TFDP2: variants seen among roughly 807,000 people sequenced by gnomAD.
TFDP2 encodes transcription factor Dp-2 (E2F dimerization partner 2).
A neutral mutation model predicts 59.3 loss-of-function variants in TFDP2; 17 were observed. The observed-to-expected ratio is 0.29, with a 90% CI of 0.20 to 0.43. The LOEUF is 0.43. Ranked by LOEUF, TFDP2 falls within the 20% of genes least tolerant of loss-of-function variation. The pLI, the probability that TFDP2 is intolerant of heterozygous loss-of-function variation, is 1.00. For missense variants in TFDP2, 391 were observed against 528.8 expected, an observed-to-expected ratio of 0.74 and a Z score of 2.56; for synonymous variants, 180 against 194.7, an observed-to-expected ratio of 0.92 and a Z score of 0.63.
rs77799665 is a variant in TFDP2, at chr3:142,057,838, C to T, written c.82+35223G>A. Among the ~76,000 whole-genome samples the T allele has an allele frequency of 3.8e-3, 582 of 152,272 alleles. 3 individuals carry two copies. The highest frequency in any genetic ancestry group is 0.013 in the African/African-American group (544 of 41,556). On this transcript the variant is annotated intron_variant, in intron 3 of 12. Coordinates refer to ENST00000489671, the MANE Select transcript of TFDP2 (RefSeq NM_001178139.2). ...TTGACCACGGTGCCCGGATTCAGTTCCTTGGCTTTATAAAGTTCTCCATCC... is the reference window on the plus strand; with the variant it reads ...TTGACCACGGTGCCCGGATTCAGTTTCTTGGCTTTATAAAGTTCTCCATCC...
chr3:142,056,310 T>TAA (rs11338630), intron 3 of TFDP2, among the ~76,000 whole-genome samples: 24 of 137,828 alleles, frequency 1.7e-4, no homozygotes, highest in South Asian at 2.4e-4. Flanking sequence ...AACAGTGAAT[T>TAA]AAAAAAAAAA....
At chr3:142,064,373 A>G (rs546797778) in intron 3 of TFDP2, among the ~76,000 whole-genome samples, 6 of 152,330 alleles carry the variant, frequency 3.9e-5, no homozygotes, top group African/African-American at 1.4e-4. Flanking sequence ...GGTAATCTTT[A>G]TAACATGCCC....
intron 4 of TFDP2, 148 bp from the exon 5 acceptor site, chr3:141,995,289 G>T: frequency 1.9e-6 from 1 of 516,874 alleles, no homozygotes; most frequent in Non-Finnish European, 3.2e-6. Context: ...TATAAGCAAT[G>T]CCTTTGATTT....
In TFDP2 at chr3:142,044,839, T is replaced by C. The variant is rs147940412; in HGVS notation, c.83-39295A>G. ...GTTATACAATCTTAGGGAAGTAATT[T>C]AACCTCTTTACCTCCGTGTTCTTGG... On this transcript the variant is annotated intron_variant, in intron 3 of 12. Coordinates refer to ENST00000489671, the MANE Select transcript of TFDP2 (RefSeq NM_001178139.2). 5.2e-4 allele frequency among the ~76,000 whole-genome samples: 79 copies of C among 152,324 alleles called. No individual in the cohort carries two copies. The East Asian group carries it at 0.015, about 29-fold the overall frequency.
rs2063304406 is a variant in TFDP2 at position 142,149,395 on chromosome 3, A to G, written c.-305T>C. The G allele has an allele frequency of 2.6e-6, 1 of 387,176 alleles. No individual in the cohort carries two copies. The highest frequency in any genetic ancestry group is 4.6e-6 in the Non-Finnish European group (1 of 219,150). The allele number at this position is 387,176 out of a possible 1,614,324, so 24.0% of individuals were successfully genotyped here. ...CGTGCGCGCGCCCTCGAGCCTGCCC[A>G]AAGATGAAGGGTCAGGGCGCGCCCC... On this transcript the variant is annotated 5_prime_UTR_variant, in exon 1 of 13. Coordinates refer to ENST00000489671, the MANE Select transcript of TFDP2 (RefSeq NM_001178139.2).
At chr3:142,051,904 T>C (rs1483750691) in intron 3 of TFDP2, among the ~76,000 whole-genome samples, 7 of 152,042 alleles carry the variant, frequency 4.6e-5, no homozygotes, top group African/African-American at 9.7e-5. Flanking sequence ...AGCGGGAGGA[T>C]TGCTTGAGCC....
chr3:142,048,594 C>T (rs907698504), intron 3 of TFDP2, among the ~76,000 whole-genome samples: 1 of 152,056 alleles, frequency 6.6e-6, no homozygotes, highest in Non-Finnish European at 1.5e-5. Context: ...TTTATAGGGT[C>T]TCGCTCTTTT....
chr3:142,087,508 T>C (rs1456792441), intron 3 of TFDP2, among the ~76,000 whole-genome samples: 1 of 151,694 alleles, frequency 6.6e-6, no homozygotes, highest in African/African-American at 2.4e-5. Flanking sequence ...CTTTTCTTTT[T>C]TTTTTTTTTT....
intron 3 of TFDP2, among the ~76,000 whole-genome samples, chr3:142,059,784 G>A (rs938290982): frequency 1.3e-5 from 2 of 152,116 alleles, no homozygotes; most frequent in Non-Finnish European, 2.9e-5. Flanking sequence ...GTTTTGCCAT[G>A]TTGGCCAGGC....
At chr3:141,968,535 T>C (rs1301458093) in intron 9 of TFDP2, among the ~76,000 whole-genome samples, 3 of 110,614 alleles carry the variant, frequency 2.7e-5, no homozygotes, top group Non-Finnish European at 4.9e-5. Context: ...TATAGATATA[T>C]ATAACATATA....
At chr3:142,047,761 G>C (rs1470961814) in intron 3 of TFDP2, among the ~76,000 whole-genome samples, 1 of 143,024 alleles carries the variant, frequency 7.0e-6, no homozygotes, top group Non-Finnish European at 1.5e-5. Flanking sequence ...TTTTGAGATG[G>C]AGTTTCGCTC....
intron 3 of TFDP2, among the ~76,000 whole-genome samples, chr3:142,019,340 AGGC>A (rs1945411753): frequency 6.6e-6 from 1 of 152,244 alleles, no homozygotes; most frequent in South Asian, 2.1e-4. Flanking sequence ...CTGGGATTAC[AGGC>A]GTGAGCCACT....
At chr3:142,100,376 C>CT (rs2061282980) in intron 2 of TFDP2, among the ~76,000 whole-genome samples, 3 of 146,238 alleles carry the variant, frequency 2.1e-5, no homozygotes. Flanking sequence ...TACCTCCTTC[C>CT]CTTTTTTTTT....
In TFDP2 at chr3:142,044,266, G is replaced by C. The variant is rs868536018; in HGVS notation, c.83-38722C>G. The C allele has an allele frequency of 8.6e-4, 171 of 198,080 alleles. No individual in the cohort carries two copies. In the South Asian group the frequency reaches 0.01, roughly 12 times the overall value. 12.3% of individuals were successfully genotyped at this position (198,080 alleles called of 1,614,324 possible). A position where few individuals can be genotyped will look rare whatever the true frequency, so the allele number is the denominator to read the frequency against. On this transcript the variant is annotated intron_variant, in intron 3 of 12. Transcript: ENST00000489671. ...TTTTTTTTTTTTGAGCCGGAGTCTC[G>C]CTCTGTCGCCAGGCTGGAGTGCAGT...
At chr3:142,138,159 C>A (rs570760581) in intron 1 of TFDP2, among the ~76,000 whole-genome samples, 13 of 152,248 alleles carry the variant, frequency 8.5e-5, no homozygotes, top group South Asian at 8.3e-4. Flanking sequence ...AGTTTATTTG[C>A]GTAGAGGTGT....
intron 3 of TFDP2, among the ~76,000 whole-genome samples, chr3:142,024,874 G>C (rs1192992168): frequency 1.3e-5 from 2 of 152,030 alleles, no homozygotes; most frequent in African/African-American, 4.8e-5. Context: ...ACAAAAATTA[G>C]CCGGGTTTGG....
chr3:141,998,867 G>A (rs1943518910), intron 4 of TFDP2, among the ~76,000 whole-genome samples: 1 of 151,786 alleles, frequency 6.6e-6, no homozygotes, highest in Admixed American at 6.6e-5. Context: ...ATGTGCTACT[G>A]CCATCTACAG....
At chr3:142,119,569 G>C (rs917080683) in intron 1 of TFDP2, among the ~76,000 whole-genome samples, 2 of 152,150 alleles carry the variant, frequency 1.3e-5, no homozygotes, top group African/African-American at 4.8e-5. Context: ...ATTACCATTT[G>C]ATCAACATAG....
Position 141,984,499 on chromosome 3 carries a change from AAAAAT to A in TFDP2, c.357-5822_357-5818del, listed in dbSNP as rs759921126. On this transcript the variant is annotated intron_variant, in intron 6 of 12. Coordinates refer to ENST00000489671, the MANE Select transcript of TFDP2 (RefSeq NM_001178139.2). Reference sequence around the variant, plus strand: ...ACAGAGCGAAACTCCGTCTCAAAAAAAAAATAAAAAGATATTGTATGATTCCACTT... The same window carrying A: ...ACAGAGCGAAACTCCGTCTCAAAAAAAAAAAGATATTGTATGATTCCACTT... Among the ~76,000 whole-genome samples, 95 of 152,360 alleles carry A rather than the reference AAAAAT, an allele frequency of 6.2e-4. 3 individuals are homozygous for A. Among genetic ancestry groups the A allele is most frequent in the Middle Eastern group, 6.8e-3 (2 of 294 alleles).
Sources: allele counts gnomAD v4.1 joint callset (sites outside exome capture counted in the v4.1 genomes callset), GRCh38; gene constraint gnomAD v4.1.1; transcripts MANE v1.5; gene names NCBI Gene and HGNC (gene_info 2026-07-23, HGNC 2026-07-21).